Variants in MINDY4 observed in about 807,000 individuals in gnomAD.
The protein encoded by MINDY4 is MINDY lysine 48 deubiquitinase 4.
A neutral mutation model predicts 87.0 loss-of-function variants in MINDY4; 68 were observed. The observed-to-expected ratio is 0.78, with a 90% CI of 0.64 to 0.96. MINDY4 has a LOEUF of 0.96. MINDY4 is among the 40% of genes least tolerant of loss of function. MINDY4 has a pLI of 0.00. For missense variants in MINDY4, 919 were observed against 928.2 expected (o/e 0.99, Z 0.13); for synonymous variants, 379 against 363.2 (o/e 1.04, Z -0.50).
At chr7:30,881,286 G>A (rs1487727448) in intron 15 of MINDY4, among the ~76,000 whole-genome samples, 1 of 152,200 alleles carries the variant, frequency 6.6e-6, no homozygotes, top group Non-Finnish European at 1.5e-5. Flanking sequence ...TAGTCAAGAT[G>A]CTAGCAACGT....
chr7:30,778,896 C>T (rs1286052745), intron 2 of MINDY4, among the ~76,000 whole-genome samples: 1 of 152,182 alleles, frequency 6.6e-6, no homozygotes, highest in Non-Finnish European at 1.5e-5. Context: ...AATATCGTAT[C>T]CAGTTATACT....
chr7:30,850,343 A>G, intron 9 of MINDY4, 111 bp from the exon 10 acceptor site: 2 of 1,010,452 alleles, frequency 2.0e-6, no homozygotes, highest in Non-Finnish European at 3.0e-6. Flanking sequence ...TGCAGGCCAG[A>G]GAAAGAACAG....
chr7:30,807,131 T>C (rs12690795), intron 5 of MINDY4, among the ~76,000 whole-genome samples: 66,912 of 152,086 alleles, frequency 0.44, 15,314 homozygotes, highest in African/African-American at 0.54. Flanking sequence ...AGACCAAGTA[T>C]TTTGCCACCA....
chr7:30,872,983 T>TG (rs1248842787), intron 14 of MINDY4, among the ~76,000 whole-genome samples: 2 of 152,198 alleles, frequency 1.3e-5, no homozygotes, highest in Non-Finnish European at 2.9e-5. Context: ...TCTCAGCACA[T>TG]GGGGGGCCAC....
chr7:30,857,078 A>G (rs1584322403), intron 12 of MINDY4, among the ~76,000 whole-genome samples: 1 of 152,360 alleles, frequency 6.6e-6, no homozygotes, highest in South Asian at 2.1e-4. Flanking sequence ...TGATTCATTC[A>G]TTCCATTCCT....
chr7:30,870,742 G>C (rs978611342), intron 13 of MINDY4, among the ~76,000 whole-genome samples: 1 of 152,208 alleles, frequency 6.6e-6, no homozygotes. Context: ...CATACATTGA[G>C]ACCAAGTTTA....
rs890387605 is a variant in MINDY4, at chr7:30,872,738, A to T, written c.1809+432A>T. Among the ~76,000 whole-genome samples, 43 of 152,318 alleles carry T rather than the reference A, an allele frequency of 2.8e-4. 1 individual carries two copies. The highest frequency in any genetic ancestry group is 3.4e-3 in the Middle Eastern group (1 of 294). The stretch of plus-strand genomic sequence containing the variant: ...TCTTTATAGCCACCCTTCCCTTTGC[A>T]TCTTTACAGAGGGGCCCTCAATGGA... On this transcript the variant is annotated intron_variant, in intron 14 of 17. Coordinates refer to ENST00000265299, the MANE Select transcript of MINDY4 (RefSeq NM_032222.3).
intron 15 of MINDY4, among the ~76,000 whole-genome samples, chr7:30,876,555 A>G (rs1790264592): frequency 6.6e-6 from 1 of 152,152 alleles, no homozygotes; most frequent in Non-Finnish European, 1.5e-5. Context: ...GTAAAGCTGG[A>G]TAGGGCATGG....
At position 30,805,640 on chromosome 7, in the gene MINDY4, T is replaced by C. The variant is rs563756327; in HGVS notation, c.1073+14066T>C. ...CCCTTAGGAGAGGTTGGGAGGTCAC[T>C]GGGCCTGGTGATGGCGGTTCCCAGG... On this transcript the variant is annotated intron_variant, in intron 5 of 17. Coordinates refer to ENST00000265299, the MANE Select transcript of MINDY4 (RefSeq NM_032222.3). Among the ~76,000 whole-genome samples, 28 of 152,220 alleles carry C rather than the reference T, an allele frequency of 1.8e-4. No individual in the cohort carries two copies. The East Asian group carries it at 2.9e-3, about 16-fold the overall frequency.
chr7:30,801,386 G>C (rs57177267), intron 5 of MINDY4, among the ~76,000 whole-genome samples: 1 of 152,054 alleles, frequency 6.6e-6, no homozygotes, highest in Non-Finnish European at 1.5e-5. Flanking sequence ...TGTGTGGATA[G>C]TGGCCTGCTT....
chr7:30,850,014 T>C (rs149534673), intron 9 of MINDY4, among the ~76,000 whole-genome samples: 76 of 152,340 alleles, frequency 5.0e-4, no homozygotes, highest in African/African-American at 1.8e-3. Flanking sequence ...CACCTGCCTG[T>C]ACGTGCTACT....
intron 12 of MINDY4, among the ~76,000 whole-genome samples, chr7:30,857,156 C>T (rs999571649): frequency 2.6e-5 from 4 of 152,180 alleles, no homozygotes; most frequent in African/African-American, 7.2e-5. Context: ...GCTGTGCCCC[C>T]GCATAGTCAG....
intron 3 of MINDY4, among the ~76,000 whole-genome samples, chr7:30,783,595 A>G (rs1189224690): frequency 6.6e-6 from 1 of 152,212 alleles, no homozygotes; most frequent in African/African-American, 2.4e-5. Context: ...AAATGAATTA[A>G]TAGATTCTGG....
intron 2 of MINDY4, chr7:30,780,632 C>A (rs926525598): frequency 2.0e-5 from 3 of 152,154 alleles, no homozygotes; most frequent in African/African-American, 7.2e-5. Context: ...GAAAGCCCTG[C>A]AATTTAATGT....
chr7:30,864,231 G>A (rs1789860474), intron 13 of MINDY4, among the ~76,000 whole-genome samples: 1 of 152,230 alleles, frequency 6.6e-6, no homozygotes, highest in African/African-American at 2.4e-5. Context: ...GGATGACGCT[G>A]GGCAGGACCC....
chr7:30,876,737 G>A (rs1232070948), intron 15 of MINDY4, among the ~76,000 whole-genome samples: 1 of 152,106 alleles, frequency 6.6e-6, no homozygotes, highest in Non-Finnish European at 1.5e-5. Flanking sequence ...TTGTCCTGAG[G>A]GGCAGCAGGA....
intron 17 of MINDY4, among the ~76,000 whole-genome samples, chr7:30,891,628 T>G (rs1001555376): frequency 6.6e-6 from 1 of 152,068 alleles, no homozygotes. Context: ...GAGCGGCTGG[T>G]CCAGATGTGT....
chr7:30,873,559 A>C (rs1790171126), intron 14 of MINDY4, among the ~76,000 whole-genome samples: 2 of 152,150 alleles, frequency 1.3e-5, no homozygotes, highest in Non-Finnish European at 2.9e-5. Flanking sequence ...GCTGGGGCCT[A>C]AGATTCTCAA....
rs1584356435 is a variant in MINDY4, at chr7:30,882,985, C to T, written c.2217C>T (p.Ile739=). The change falls in exon 17 of 18, where the codon ATC becomes ATT. Residue 739 remains isoleucine, a synonymous_variant. Transcript: ENST00000265299. ...NDLVPPLELC[I]RTKWKGASVN... Reference sequence around the variant, plus strand: ...TTGTCCCACCCCTCGAGCTCTGCATCAGAACCAAGTGAGTCAAGCCCCTCT... The same window carrying T: ...TTGTCCCACCCCTCGAGCTCTGCATTAGAACCAAGTGAGTCAAGCCCCTCT... 1 of 1,614,020 alleles carries T rather than the reference C, an allele frequency of 6.2e-7. No individual in the cohort carries two copies. The highest frequency in any genetic ancestry group is 8.5e-7 in the Non-Finnish European group (1 of 1,179,934).
Sources: gnomAD v4.1 joint callset for allele counts (sites outside exome capture counted in the v4.1 genomes callset) on GRCh38, gnomAD v4.1.1 for gene constraint, MANE v1.5 for transcripts, NCBI Gene and HGNC (gene_info 2026-07-23, HGNC 2026-07-21) for gene names.